PLOD2: variants seen among roughly 807,000 people sequenced by gnomAD.
PLOD2 encodes procollagen-lysine,2-oxoglutarate 5-dioxygenase 2.
In PLOD2, 65 loss-of-function variants were observed where a neutral mutation model predicts 101.0. The observed-to-expected ratio is 0.64, with a 90% CI of 0.53 to 0.79. PLOD2 has a LOEUF of 0.79. Among genes scored for constraint, PLOD2 ranks in the 30% least tolerant of loss-of-function variants. The pLI, the probability that PLOD2 is intolerant of heterozygous loss-of-function variation, is 0.00. For missense variants in PLOD2, 909 were observed against 914.6 expected (o/e 0.99, Z 0.08); for synonymous variants, 314 against 302.9 (o/e 1.04, Z -0.38).
rs1227319909 is a variant in PLOD2 at position 146,091,819 on chromosome 3, A to G, written c.860T>C (p.Val287Ala). The part of the protein sequence containing the change: ...NGCTLCEFDT[V>A]DLSAVDVHPN... ...ACTTACATCTACTGCAGACAAGTCG[A>G]CTGTATCGAATTCACAAAGAGTGCA... Residue 287 changes from valine to alanine, a missense_variant, in exon 8 of 20, where the codon GTC (valine) becomes GCC (alanine). By Grantham distance (64) the Val-to-Ala change is moderately conservative (BLOSUM62 0). Transcript: ENST00000282903. 4 of 1,592,368 alleles carry G rather than the reference A, an allele frequency of 2.5e-6. No homozygotes were observed. The highest frequency in any genetic ancestry group is 3.4e-6 in the Non-Finnish European group (4 of 1,160,484).
chr3:146,096,936 G>A (rs1448251428), intron 7 of PLOD2, among the ~76,000 whole-genome samples: 4 of 139,924 alleles, frequency 2.9e-5, no homozygotes, highest in South Asian at 4.6e-4. Context: ...GCCTCTGCCC[G>A]GCCGCCCCTA....
At chr3:146,090,456 C>T (rs1017868211) in intron 8 of PLOD2, among the ~76,000 whole-genome samples, 5 of 151,504 alleles carry the variant, frequency 3.3e-5, no homozygotes, top group African/African-American at 1.2e-4. Context: ...TCTATCTTTG[C>T]ACCAGAAAGT....
At chr3:146,122,530 G>T (rs1198606812) in intron 2 of PLOD2, among the ~76,000 whole-genome samples, 1 of 152,096 alleles carries the variant, frequency 6.6e-6, no homozygotes, top group Non-Finnish European at 1.5e-5. Context: ...AGACTTCAGG[G>T]TATCACTCCC....
intron 1 of PLOD2, among the ~76,000 whole-genome samples, chr3:146,137,366 C>A (rs1208818425): frequency 2.6e-5 from 4 of 152,198 alleles, no homozygotes; most frequent in African/African-American, 9.7e-5. Context: ...CCCACCTCAG[C>A]CTCCTGAGTA....
chr3:146,107,587 C>T (rs78861624), intron 4 of PLOD2, among the ~76,000 whole-genome samples: 1,496 of 147,670 alleles, frequency 0.01, 33 homozygotes, highest in African/African-American at 0.035. Context: ...CAAAACCAAT[C>T]AATGGTTGCT....
At chr3:146,097,810 A>G (rs1292644017) in intron 7 of PLOD2, among the ~76,000 whole-genome samples, 1 of 104,502 alleles carries the variant, frequency 9.6e-6, no homozygotes, top group Non-Finnish European at 2.0e-5. Flanking sequence ...AAAAAATAAT[A>G]ATAATAATAA....
At chr3:146,141,671 T>G (rs191861871) in intron 1 of PLOD2, among the ~76,000 whole-genome samples, 2 of 152,194 alleles carry the variant, frequency 1.3e-5, no homozygotes, top group African/African-American at 2.4e-5. Context: ...CAAATCCTAG[T>G]TGATACACAG....
intron 7 of PLOD2, among the ~76,000 whole-genome samples, chr3:146,102,384 T>C (rs902300093): frequency 6.6e-6 from 1 of 152,162 alleles, no homozygotes; most frequent in Non-Finnish European, 1.5e-5. Context: ...ATCTTAACAG[T>C]GTTGTTAACT....
At chr3:146,113,232 C>T (rs1201715378) in intron 3 of PLOD2, among the ~76,000 whole-genome samples, 1 of 152,152 alleles carries the variant, frequency 6.6e-6, no homozygotes, top group Non-Finnish European at 1.5e-5. Context: ...ACATAATTGC[C>T]TTTGAAGAAA....
Position 146,121,258 on chromosome 3 carries a change from A to C in PLOD2, c.202-10T>G. On this transcript the variant is annotated splice_polypyrimidine_tract_variant and intron_variant, in intron 2 of 19. Transcript: ENST00000282903. ...CTCCTTGACCAAGGACCTATAAACA[A>C]AATCAACATTTCATTCCTGAGCAAA... The C allele has an allele frequency of 6.2e-7, 1 of 1,611,142 alleles. No individual in the cohort carries two copies. Among genetic ancestry groups the C allele is most frequent in the Non-Finnish European group, 8.5e-7 (1 of 1,177,726 alleles).
chr3:146,138,964 G>A (rs1351035833), intron 1 of PLOD2, among the ~76,000 whole-genome samples: 2 of 152,110 alleles, frequency 1.3e-5, no homozygotes, highest in Admixed American at 6.6e-5. Flanking sequence ...CAGAGGCTGT[G>A]CTCTTAACTG....
At chr3:146,104,863 G>A (rs1688340835) in intron 5 of PLOD2, 1 of 155,222 alleles carries the variant, frequency 6.4e-6, no homozygotes. Context: ...TGGGTATTAT[G>A]AGTGGGCACA....
intron 4 of PLOD2, 33 bp downstream of exon 4, chr3:146,110,252 T>C: frequency 6.3e-7 from 1 of 1,593,802 alleles, no homozygotes; most frequent in African/African-American, 1.3e-5. Context: ...CTTTATAACT[T>C]GCATTAAACT....
chr3:146,152,547 C>T (rs933187511), intron 1 of PLOD2, among the ~76,000 whole-genome samples: 1 of 152,068 alleles, frequency 6.6e-6, no homozygotes, highest in Non-Finnish European at 1.5e-5. Context: ...ACTTGTCTAC[C>T]CATGGATCTC....
chr3:146,109,377 A>G (rs1937587749), intron 4 of PLOD2, among the ~76,000 whole-genome samples: 1 of 152,228 alleles, frequency 6.6e-6, no homozygotes. Flanking sequence ...TGATAAAATA[A>G]AGTGCAGGTG....
intron 1 of PLOD2, among the ~76,000 whole-genome samples, chr3:146,137,956 C>G (rs2031329777): frequency 6.6e-6 from 1 of 152,000 alleles, no homozygotes; most frequent in South Asian, 2.1e-4. Flanking sequence ...GGGGAAGAAA[C>G]AGTTAAGTGG....
intron 7 of PLOD2, 82 bp downstream of exon 7, chr3:146,102,672 TA>T: frequency 2.7e-6 from 2 of 742,232 alleles, no homozygotes; most frequent in Non-Finnish European, 4.7e-6. Flanking sequence ...AAGAAATTTT[TA>T]AAAATAAAAT....
chr3:146,136,494 C>A (rs2031238177), intron 1 of PLOD2, among the ~76,000 whole-genome samples: 1 of 152,090 alleles, frequency 6.6e-6, no homozygotes, highest in South Asian at 2.1e-4. Flanking sequence ...GAAACATACA[C>A]GAATTTCATG....
chr3:146,080,879 G>A (rs1269228629), intron 12 of PLOD2, among the ~76,000 whole-genome samples: 1 of 152,082 alleles, frequency 6.6e-6, no homozygotes, highest in Non-Finnish European at 1.5e-5. Flanking sequence ...TCAGATTGAA[G>A]CTTTCCACAC....
Sources: allele counts gnomAD v4.1 joint callset (sites outside exome capture counted in the v4.1 genomes callset), GRCh38; gene constraint gnomAD v4.1.1; transcripts MANE v1.5; gene names NCBI Gene and HGNC (gene_info 2026-07-23, HGNC 2026-07-21).